Variants in NLGN1 observed in about 807,000 individuals in gnomAD.
The protein encoded by NLGN1 is neuroligin-1.
A neutral mutation model predicts 65.5 loss-of-function variants in NLGN1; 12 were observed. That is an observed-to-expected ratio of 0.18 (90% CI 0.12 to 0.30). The LOEUF is 0.30. NLGN1 is among the 10% of genes least tolerant of loss of function. The pLI is 1.00. For synonymous variants in NLGN1, 350 were observed against 359.5 expected (o/e 0.97, Z 0.30); for missense variants, 750 against 1,007.1 (o/e 0.74, Z 3.46).
At chr3:173,641,163 G>T (rs74673985) in intron 3 of NLGN1, among the ~76,000 whole-genome samples, 7,029 of 152,002 alleles carry the variant, frequency 0.046, 364 homozygotes, top group African/African-American at 0.11. Flanking sequence ...TAATCCCTTT[G>T]TACTTGTTAT....
intron 3 of NLGN1, among the ~76,000 whole-genome samples, chr3:173,670,158 A>T (rs1397992121): frequency 6.6e-6 from 1 of 152,164 alleles, no homozygotes; most frequent in Non-Finnish European, 1.5e-5. Context: ...GAAAATTGTC[A>T]TCATTATCCT....
chr3:173,609,450 A>G (rs564232335), intron 3 of NLGN1, among the ~76,000 whole-genome samples: 1 of 152,042 alleles, frequency 6.6e-6, no homozygotes, highest in African/African-American at 2.4e-5. Flanking sequence ...TTCTTTCAAG[A>G]GCCTTTTCCA....
chr3:173,869,612 G>A (rs965372727), intron 4 of NLGN1, among the ~76,000 whole-genome samples: 6 of 152,048 alleles, frequency 3.9e-5, no homozygotes, highest in East Asian at 3.9e-4. Flanking sequence ...AGTAAGCCAC[G>A]TTTGCTGGTG....
chr3:173,428,816 T>C (rs1577408900), intron 1 of NLGN1, among the ~76,000 whole-genome samples: 2 of 152,148 alleles, frequency 1.3e-5, no homozygotes, highest in African/African-American at 4.8e-5. Context: ...TAGCATTTCT[T>C]ATAAGCTCAG....
At chr3:173,892,165 G>A (rs547372972) in intron 4 of NLGN1, among the ~76,000 whole-genome samples, 7 of 148,810 alleles carry the variant, frequency 4.7e-5, no homozygotes, top group Non-Finnish European at 8.9e-5. Context: ...ACTTTGTCAC[G>A]TATATTTAAG....
intron 3 of NLGN1, among the ~76,000 whole-genome samples, chr3:173,734,105 A>G (rs781660095): frequency 2.2e-4 from 33 of 152,086 alleles, no homozygotes; most frequent in Admixed American, 7.9e-4. Flanking sequence ...GATGTCTGCT[A>G]TTCCTGCAGA....
chr3:173,775,068 A>T (rs4894628), intron 3 of NLGN1, among the ~76,000 whole-genome samples: 3 of 152,064 alleles, frequency 2.0e-5, no homozygotes, highest in Non-Finnish European at 4.4e-5. Context: ...TCAATAAAAT[A>T]GTTTTTTATT....
intron 4 of NLGN1, among the ~76,000 whole-genome samples, chr3:174,143,068 A>T (rs1376714888): frequency 6.6e-6 from 1 of 152,134 alleles, no homozygotes; most frequent in African/African-American, 2.4e-5. Context: ...ATTCAGTGAG[A>T]ACTCACTCAT....
intron 4 of NLGN1, among the ~76,000 whole-genome samples, chr3:173,825,325 G>C (rs1308684667): frequency 1.3e-5 from 2 of 151,794 alleles, no homozygotes; most frequent in African/African-American, 4.8e-5. Flanking sequence ...TTTTCAAGTG[G>C]CATGGCAATA....
At chr3:174,063,835 A>G (rs2152522236) in intron 4 of NLGN1, among the ~76,000 whole-genome samples, 1 of 152,216 alleles carries the variant, frequency 6.6e-6, no homozygotes, top group African/African-American at 2.4e-5. Flanking sequence ...GAAATTTTTA[A>G]TAGTAAAAGG....
At chr3:174,221,718 G>A (rs1738696321) in intron 4 of NLGN1, among the ~76,000 whole-genome samples, 1 of 151,928 alleles carries the variant, frequency 6.6e-6, no homozygotes, top group Admixed American at 6.6e-5. Context: ...AAAGTCCAAT[G>A]TAAAGTTGCT....
At chr3:173,604,850 A>G (rs754696590) in exon 3 of NLGN1, 3 of 1,613,678 alleles carry the variant, frequency 1.9e-6, no homozygotes, top group East Asian at 2.2e-5. Flanking sequence ...TTGGGGTTCC[A>G]TATGCAGCCC....
chr3:173,397,859 G>A (rs1716900655), upstream of NLGN1: 1 of 152,226 alleles, frequency 6.6e-6, no homozygotes, highest in African/African-American at 2.4e-5. Context: ...GTCGGAGTGG[G>A]TGATGAGAGG....
intron 2 of NLGN1, among the ~76,000 whole-genome samples, chr3:173,577,782 A>T (rs1745741269): frequency 6.6e-6 from 1 of 152,176 alleles, no homozygotes; most frequent in Non-Finnish European, 1.5e-5. Flanking sequence ...TCTTTGAAAA[A>T]CTTGTGACAT....
intron 4 of NLGN1, among the ~76,000 whole-genome samples, chr3:173,886,761 G>T (rs1408474887): frequency 1.3e-5 from 2 of 152,012 alleles, no homozygotes; most frequent in African/African-American, 4.8e-5. Context: ...AGGGAAGAGT[G>T]GCCTCCTGAC....
chr3:173,548,568 A>G (rs1019087207), intron 2 of NLGN1, among the ~76,000 whole-genome samples: 6 of 151,822 alleles, frequency 4.0e-5, no homozygotes, highest in South Asian at 2.1e-4. Flanking sequence ...ATTGGCATCA[A>G]TGAGTTTTAA....
intron 4 of NLGN1, chr3:173,910,892 G>A (rs979012470): frequency 2.6e-5 from 4 of 152,128 alleles, no homozygotes; most frequent in Admixed American, 1.3e-4. Context: ...GTATCGGAAA[G>A]TAAAAAGGAA....
intron 4 of NLGN1, among the ~76,000 whole-genome samples, chr3:173,926,698 G>A (rs1743067372): frequency 6.6e-6 from 1 of 152,062 alleles, no homozygotes; most frequent in African/African-American, 2.4e-5. Context: ...ATGTTTACGT[G>A]GCATCATGCT....
chr3:173,705,905 C>G (rs2149909597), intron 3 of NLGN1, among the ~76,000 whole-genome samples: 1 of 152,106 alleles, frequency 6.6e-6, no homozygotes, highest in African/African-American at 2.4e-5. Context: ...TTTGAAAGAT[C>G]AAATACAAAC....
Sources: allele counts gnomAD v4.1 joint callset (sites outside exome capture counted in the v4.1 genomes callset), GRCh38; gene constraint gnomAD v4.1.1; transcripts MANE v1.5; gene names NCBI Gene and HGNC (gene_info 2026-07-23, HGNC 2026-07-21).